MGST1: variants seen among roughly 807,000 people sequenced by gnomAD.
The protein encoded by MGST1 is microsomal glutathione S-transferase 1.
In MGST1, 5 loss-of-function variants were observed where a neutral mutation model predicts 8.9. The observed-to-expected ratio is 0.56, with a 90% CI of 0.29 to 1.19. The LOEUF (loss-of-function observed/expected upper bound fraction) is 1.19. MGST1 is among the 50% of genes most tolerant of loss of function. The pLI, the probability that MGST1 is intolerant of heterozygous loss-of-function variation, is 0.08. For synonymous variants in MGST1, 54 were observed against 67.8 expected (o/e 0.80, Z 1.00); for missense variants, 182 against 187.4 (o/e 0.97, Z 0.17).
intron 4 of MGST1, among the ~76,000 whole-genome samples, chr12:16,553,165 G>C (rs1942056315): frequency 6.6e-6 from 1 of 152,062 alleles, no homozygotes; most frequent in East Asian, 1.9e-4. Context: ...AACCTAGAAA[G>C]TAAGCATTGT....
chr12:16,464,600 T>A (rs993744021), intron 4 of MGST1, among the ~76,000 whole-genome samples: 15 of 152,256 alleles, frequency 9.9e-5, no homozygotes, highest in Non-Finnish European at 1.5e-5. Context: ...AACCATGTAG[T>A]AGTCCCTGGA....
At chr12:16,357,774 G>T in intron 3 of MGST1, 75 bp downstream of exon 3, 2 of 1,204,976 alleles carry the variant, frequency 1.7e-6, no homozygotes, top group Non-Finnish European at 2.4e-6. Context: ...GATGTCTCAG[G>T]GTCTTGGAGA....
At chr12:16,399,679 C>G (rs1565447320) in intron 1 of MGST1, 1 of 1,460,074 alleles carries the variant, frequency 6.8e-7, no homozygotes, top group Non-Finnish European at 9.6e-7. Context: ...ACACCTTGTT[C>G]GAAAAAGCCC....
chr12:16,544,647 A>G lies in MGST1; in HGVS notation n.483-44881A>G, dbSNP rs1260739298. 6.6e-6 allele frequency among the ~76,000 whole-genome samples: 1 copy of G among 152,112 alleles called. No individual in the cohort carries two copies. Among genetic ancestry groups the G allele is most frequent in the Admixed American group, 6.6e-5 (1 of 15,266 alleles). The stretch of plus-strand genomic sequence containing the variant: ...AATATCTAACAGGAAATTTGACTAC[A>G]TAGGTTCAAGTCCTTATTTCTGAGG... On this transcript the variant is annotated intron_variant and non_coding_transcript_variant, in intron 4 of 4. Coordinates refer to the MGST1 transcript ENST00000538857. This position sits in a 1 kb window ranked among gnomAD's most constrained non-coding sequence, Gnocchi z 4.8.
intron 4 of MGST1, among the ~76,000 whole-genome samples, chr12:16,566,609 T>C (rs1942620581): frequency 6.6e-6 from 1 of 152,150 alleles, no homozygotes; most frequent in African/African-American, 2.4e-5. Flanking sequence ...AAAGACATTT[T>C]CTATTTTAAA....
rs1351651760 is a variant in MGST1 at position 16,587,698 on chromosome 12, A to G, written n.483-1830A>G. ...TAACAGCACGACACAAGTATTTTTC[A>G]CTACAGGAGACAAACAATGATATGT... On this transcript the variant is annotated intron_variant and non_coding_transcript_variant, in intron 4 of 4. Coordinates refer to the MGST1 transcript ENST00000538857. This position sits in a 1 kb window ranked among gnomAD's most constrained non-coding sequence, Gnocchi z 4.3. Among the ~76,000 whole-genome samples the G allele has an allele frequency of 2.0e-5, 3 of 151,818 alleles. No individual in the cohort carries two copies. The highest frequency in any genetic ancestry group is 4.4e-5 in the Non-Finnish European group (3 of 67,846).
downstream of MGST1, among the ~76,000 whole-genome samples, chr12:16,440,246 TACACACAC>T (rs55778046): frequency 0.011 from 1,646 of 148,948 alleles, 19 homozygotes; most frequent in Non-Finnish European, 0.019. Flanking sequence ...AATGTGTGTG[TACACACAC>T]ACACACACAC....
intron 3 of MGST1, among the ~76,000 whole-genome samples, chr12:16,370,732 A>G (rs1940276159): frequency 6.6e-6 from 1 of 152,154 alleles, no homozygotes; most frequent in Non-Finnish European, 1.5e-5. Flanking sequence ...TGCTCTATTC[A>G]TTTCTTCACA....
At chr12:16,480,509 A>G (rs960507757) in intron 4 of MGST1, among the ~76,000 whole-genome samples, 2 of 152,180 alleles carry the variant, frequency 1.3e-5, no homozygotes, top group Non-Finnish European at 2.9e-5. Context: ...ATATTTGCAA[A>G]ACACATATCT....
At chr12:16,446,607 A>G (rs1941082147) in intron 4 of MGST1, among the ~76,000 whole-genome samples, 1 of 151,888 alleles carries the variant, frequency 6.6e-6, no homozygotes, top group Non-Finnish European at 1.5e-5. Flanking sequence ...TCCTGTGTTA[A>G]TTGAGACTCC....
chr12:16,382,070 G>A (rs1223722054), downstream of MGST1, among the ~76,000 whole-genome samples: 1 of 151,626 alleles, frequency 6.6e-6, no homozygotes, highest in Non-Finnish European at 1.5e-5. Flanking sequence ...TAACTTCTTT[G>A]CCATTGGTTC....
At chr12:16,507,015 A>G (rs1410517069) in intron 4 of MGST1, among the ~76,000 whole-genome samples, 2 of 152,224 alleles carry the variant, frequency 1.3e-5, no homozygotes, top group Non-Finnish European at 2.9e-5. Flanking sequence ...TGAAAATAAT[A>G]TAGCATAAAC....
intron 4 of MGST1, among the ~76,000 whole-genome samples, chr12:16,451,826 G>C (rs1941131747): frequency 6.6e-6 from 1 of 151,740 alleles, no homozygotes; most frequent in Admixed American, 6.6e-5. Context: ...AATCAATTTG[G>C]TTTTCCAGTA....
At position 16,413,374 on chromosome 12, in the gene MGST1, G is replaced by T. The variant is rs1940758809; in HGVS notation, n.779-24014G>T. 6.6e-6 allele frequency among the ~76,000 whole-genome samples: 1 copy of T among 152,112 alleles called. No individual in the cohort carries two copies. Among genetic ancestry groups the T allele is most frequent in the Non-Finnish European group, 1.5e-5 (1 of 68,026 alleles). ...GAATCCTGCAGCAAAAAAGACATCT[G>T]TTCATCCCGCAAGATTTTGCTAACT... is the stretch of plus-strand genomic sequence containing the variant. On this transcript the variant is annotated intron_variant and non_coding_transcript_variant, in intron 1 of 1. Coordinates refer to the MGST1 transcript ENST00000359720. The surrounding 1 kb of genome is among the most constrained non-coding windows in gnomAD (Gnocchi z 4.0).
At chr12:16,527,969 C>T (rs910166370) in intron 4 of MGST1, among the ~76,000 whole-genome samples, 2 of 151,882 alleles carry the variant, frequency 1.3e-5, no homozygotes, top group African/African-American at 4.8e-5. Flanking sequence ...AGGTATTTAT[C>T]CAAGTTTGCA....
intron 4 of MGST1, among the ~76,000 whole-genome samples, chr12:16,511,193 A>G (rs1941574814): frequency 1.3e-5 from 2 of 152,240 alleles, no homozygotes; most frequent in African/African-American, 4.8e-5. Flanking sequence ...AGGCACTGAG[A>G]AGACACTTTT....
chr12:16,352,716 C>A (rs183129071), intron 1 of MGST1, among the ~76,000 whole-genome samples: 1 of 152,292 alleles, frequency 6.6e-6, no homozygotes, highest in Admixed American at 6.5e-5. Flanking sequence ...CTCTACTCAA[C>A]GGCTTTTAGT....
rs200543498 is a variant in MGST1, at chr12:16,522,897, TG to T, written n.483-66630del. ...GTAATCAAGCTGTATCTCAAGACAG[TG>T]CCTCATCTATACACCTGAAAATTCC... is the stretch of plus-strand genomic sequence containing the variant. On this transcript the variant is annotated intron_variant and non_coding_transcript_variant, in intron 4 of 4. Coordinates refer to the MGST1 transcript ENST00000538857. Among the ~76,000 whole-genome samples, 577 of 152,180 alleles carry T rather than the reference TG, an allele frequency of 3.8e-3. 5 individuals carry two copies. The highest frequency in any genetic ancestry group is 0.013 in the African/African-American group (548 of 41,540).
chr12:16,531,290 A>T lies in MGST1; in HGVS notation n.483-58238A>T, dbSNP rs369071882. 7.9e-5 allele frequency among the ~76,000 whole-genome samples: 12 copies of T among 152,106 alleles called. No homozygotes were observed. In the East Asian group the frequency reaches 1.7e-3, roughly 22 times the overall value. ...GAAAAAAAGAGACACAGGCTAGGCA[A>T]TCCTTTTTTATTGAGATTATTTTTA... is the stretch of plus-strand genomic sequence containing the variant. On this transcript the variant is annotated intron_variant and non_coding_transcript_variant, in intron 4 of 4. Coordinates refer to the MGST1 transcript ENST00000538857.
Sources: gnomAD v4.1 joint callset for allele counts (sites outside exome capture counted in the v4.1 genomes callset) on GRCh38, gnomAD v4.1.1 for gene constraint, Gnocchi (gnomAD v3.1) non-coding constraint, MANE v1.5 for transcripts, NCBI Gene and HGNC (gene_info 2026-07-23, HGNC 2026-07-21) for gene names.